SMOC2: variants seen among roughly 807,000 people sequenced by gnomAD.
SMOC2 encodes the protein SPARC related modular calcium binding 2, also known as SPARC-related modular calcium-binding protein 2.
In SMOC2, 39 loss-of-function variants were observed where a neutral mutation model predicts 61.4. The observed-to-expected ratio is 0.64, with a 90% CI of 0.49 to 0.83. The LOEUF is 0.83. Ranked by LOEUF, SMOC2 falls within the 40% of genes least tolerant of loss-of-function variation. The pLI, the probability that SMOC2 is intolerant of heterozygous loss-of-function variation, is 0.00. For synonymous variants in SMOC2, 247 were observed against 239.9 expected (o/e 1.03, Z -0.27); for missense variants, 556 against 592.9 (o/e 0.94, Z 0.65).
chr6:168,549,007 T>TTA (rs1784069881), intron 6 of SMOC2, 122 bp from the exon 7 acceptor site: 1 of 721,964 alleles, frequency 1.4e-6, no homozygotes, highest in South Asian at 1.6e-5. Flanking sequence ...TCTTTACAAA[T>TTA]GTACAATGTG....
intron 4 of SMOC2, among the ~76,000 whole-genome samples, chr6:168,541,835 G>C (rs1783883816): frequency 6.6e-6 from 1 of 152,226 alleles, no homozygotes; most frequent in South Asian, 2.1e-4. Flanking sequence ...AGGGCCCGAA[G>C]AGAAAGCCAC....
chr6:168,608,309 GAA>G, intron 9 of SMOC2, 70 bp downstream of exon 9: 6 of 1,497,650 alleles, frequency 4.0e-6, no homozygotes, highest in Non-Finnish European at 5.5e-6. Context: ...AATTTGGAAT[GAA>G]AAAGACTTTA....
chr6:168,442,975 T>G (rs1440180252), intron 1 of SMOC2, among the ~76,000 whole-genome samples: 1 of 152,214 alleles, frequency 6.6e-6, no homozygotes, highest in Non-Finnish European at 1.5e-5. Context: ...TATATGCACA[T>G]CTGTACATGC....
intron 9 of SMOC2, among the ~76,000 whole-genome samples, chr6:168,632,775 A>C (rs1786603142): frequency 6.6e-6 from 1 of 152,244 alleles, no homozygotes; most frequent in Non-Finnish European, 1.5e-5. Flanking sequence ...GGCTAAGGAC[A>C]GAATTCTGTG....
Position 168,649,326 on chromosome 6 carries a change from G to A in SMOC2, c.908-1355G>A, listed in dbSNP as rs1787132604. On this transcript the variant is annotated intron_variant, in intron 9 of 12. Transcript: ENST00000356284. The stretch of plus-strand genomic sequence containing the variant: ...CTCCCTTCCTGCTGTGGTGAGGACG[G>A]TCCGAGCAGATGTTCTAATGCCCGA... Among the ~76,000 whole-genome samples the A allele has an allele frequency of 2.6e-5, 4 of 152,172 alleles. No homozygotes were observed. The South Asian group carries it at 8.3e-4, about 31-fold the overall frequency.
In SMOC2 at chr6:168,446,221, G is replaced by A. The variant is rs1226794786; in HGVS notation, c.84+4767G>A. Among the ~76,000 whole-genome samples the A allele has an allele frequency of 2.6e-5, 4 of 152,238 alleles. No individual in the cohort carries two copies. In the South Asian group the frequency reaches 6.2e-4, roughly 24 times the overall value. Reference sequence around the variant, plus strand: ...TTACTAAAAATACAAAAATTCTCTGGGTGTGGTGACACGCACCTGTAGTCC... The same window carrying A: ...TTACTAAAAATACAAAAATTCTCTGAGTGTGGTGACACGCACCTGTAGTCC... On this transcript the variant is annotated intron_variant, in intron 1 of 12. Coordinates refer to ENST00000356284, the MANE Select transcript of SMOC2 (RefSeq NM_001166412.2).
At chr6:168,595,394 T>C (rs142540408) in intron 7 of SMOC2, among the ~76,000 whole-genome samples, 169 of 152,322 alleles carry the variant, frequency 1.1e-3, no homozygotes, top group African/African-American at 3.9e-3. Context: ...CCTTGTTCCC[T>C]CTACCAGCGT....
intron 1 of SMOC2, among the ~76,000 whole-genome samples, chr6:168,470,095 T>A (rs567915833): frequency 6.6e-6 from 1 of 152,328 alleles, no homozygotes; most frequent in Non-Finnish European, 1.5e-5. Context: ...AAAAGTGCGA[T>A]TTGGATCCTC....
chr6:168,543,726 G>A (rs956996807), intron 5 of SMOC2, 54 bp downstream of exon 5: 23 of 1,503,560 alleles, frequency 1.5e-5, no homozygotes, highest in South Asian at 3.5e-5. Flanking sequence ...AACTTATCCC[G>A]TGAAATAACT....
chr6:168,488,118 A>G (rs1782378559), intron 1 of SMOC2, among the ~76,000 whole-genome samples: 1 of 152,176 alleles, frequency 6.6e-6, no homozygotes, highest in Non-Finnish European at 1.5e-5. Flanking sequence ...GCAGAAACTT[A>G]TGCTTTCCCA....
intron 4 of SMOC2, among the ~76,000 whole-genome samples, chr6:168,534,627 C>A (rs1480741804): frequency 6.6e-6 from 1 of 152,218 alleles, no homozygotes; most frequent in African/African-American, 2.4e-5. Context: ...TCTGGTGTAA[C>A]TTTTTCTATT....
intron 2 of SMOC2, 147 bp downstream of exon 2, chr6:168,510,233 T>A: frequency 1.4e-6 from 1 of 699,868 alleles, no homozygotes; most frequent in South Asian, 2.8e-5. Flanking sequence ...GGAAGAAGAG[T>A]AATTTCTATG....
At chr6:168,515,746 G>C (rs1222217926) in intron 2 of SMOC2, among the ~76,000 whole-genome samples, 2 of 45,630 alleles carry the variant, frequency 4.4e-5, no homozygotes. Context: ...GGCTCCTGGG[G>C]AGCAGGAGCA....
chr6:168,502,959 G>A lies in SMOC2; in HGVS notation c.85-6956G>A, dbSNP rs187316322. Among the ~76,000 whole-genome samples, 1,340 of 151,462 alleles carry A rather than the reference G, an allele frequency of 8.8e-3. 9 individuals carry two copies. The highest frequency in any genetic ancestry group is 0.014 in the Middle Eastern group (4 of 290). ...TTTTTTGTATTTTTAGTAGAGGTAG[G>A]GTTTCACTGTGTTAGCCAGGATGGT... On this transcript the variant is annotated intron_variant, in intron 1 of 12. Transcript: ENST00000356284.
chr6:168,595,820 TATG>T (rs1785316547), intron 7 of SMOC2, among the ~76,000 whole-genome samples: 1 of 152,246 alleles, frequency 6.6e-6, no homozygotes, highest in Non-Finnish European at 1.5e-5. Flanking sequence ...TTATTTTGCT[TATG>T]ATAAGCTTTC....
chr6:168,629,609 T>G (rs905192983), intron 9 of SMOC2, among the ~76,000 whole-genome samples: 1 of 152,232 alleles, frequency 6.6e-6, no homozygotes. Flanking sequence ...AGGTATCACC[T>G]TTTCTGTTTA....
intron 5 of SMOC2, among the ~76,000 whole-genome samples, chr6:168,546,231 T>A (rs1158613964): frequency 7.2e-5 from 6 of 83,112 alleles, no homozygotes; most frequent in Admixed American, 1.8e-4. Flanking sequence ...TTTAACAAAA[T>A]GATATAAGCA....
At position 168,453,943 on chromosome 6, in the gene SMOC2, G is replaced by A. The variant is rs1321355174; in HGVS notation, c.84+12489G>A. Among the ~76,000 whole-genome samples, 1 of 150,772 alleles carries A rather than the reference G, an allele frequency of 6.6e-6. No homozygotes were observed. Among genetic ancestry groups the A allele is most frequent in the Non-Finnish European group, 1.5e-5 (1 of 67,718 alleles). ...CTCTGTCTCTCTGATTCTATCTTTGGTCTCTGCCATTCTCCCTCTCTGTTT... is the reference window on the plus strand; with the variant it reads ...CTCTGTCTCTCTGATTCTATCTTTGATCTCTGCCATTCTCCCTCTCTGTTT... On this transcript the variant is annotated intron_variant, in intron 1 of 12. Coordinates refer to ENST00000356284, the MANE Select transcript of SMOC2 (RefSeq NM_001166412.2). The surrounding 1 kb of genome is among the most constrained non-coding windows in gnomAD (Gnocchi z 4.4).
At chr6:168,629,024 A>G (rs1786494979) in intron 9 of SMOC2, among the ~76,000 whole-genome samples, 1 of 152,206 alleles carries the variant, frequency 6.6e-6, no homozygotes, top group South Asian at 2.1e-4. Flanking sequence ...AGGGGGACTC[A>G]CGGCCTCTTT....
Sources: gnomAD v4.1 joint callset for allele counts (sites outside exome capture counted in the v4.1 genomes callset) on GRCh38, gnomAD v4.1.1 for gene constraint, Gnocchi (gnomAD v3.1) non-coding constraint, MANE v1.5 for transcripts, NCBI Gene and HGNC (gene_info 2026-07-23, HGNC 2026-07-21) for gene names.